FREM2: variants seen among roughly 807,000 people sequenced by gnomAD.
FREM2 encodes the protein FRAS1-related extracellular matrix protein 2.
FREM2 carries 119 observed loss-of-function variants against 219.9 expected under a neutral mutation model. The ratio of observed to expected loss-of-function variants is 0.54; its 90% CI spans 0.47 to 0.63. FREM2 has a LOEUF of 0.63. FREM2 is among the 30% of genes least tolerant of loss of function. The probability of loss-of-function intolerance (pLI) is 0.00; values close to 1 mark genes in which losing one functional copy is unlikely to be tolerated. For missense variants in FREM2, 4,030 were observed against 3,993.6 expected (o/e 1.01, Z -0.25); for synonymous variants, 1,562 against 1,522.8 (o/e 1.03, Z -0.60).
intron 12 of FREM2, 96 bp from the exon 13 acceptor site, chr13:38,857,779 A>G (rs1877615112): frequency 9.4e-7 from 1 of 1,061,728 alleles, no homozygotes; most frequent in East Asian, 2.4e-5. Context: ...TAACGAGGCC[A>G]TGGGGTTGCC....
intron 2 of FREM2, among the ~76,000 whole-genome samples, chr13:38,743,347 T>TA (rs1872326274): frequency 6.6e-6 from 1 of 151,652 alleles, no homozygotes; most frequent in Admixed American, 6.6e-5. Flanking sequence ...ATATGTATAG[T>TA]ATGTGGCAAG....
intron 2 of FREM2, among the ~76,000 whole-genome samples, chr13:38,762,052 G>A (rs1873246889): frequency 6.6e-6 from 1 of 152,170 alleles, no homozygotes; most frequent in Admixed American, 6.5e-5. Flanking sequence ...GTGGGCTTGG[G>A]CATGCGTGGC....
chr13:38,691,617 A>G lies in FREM2; in HGVS notation c.4273A>G (p.Ile1425Val). The G allele has an allele frequency of 1.9e-6, 3 of 1,614,034 alleles. No homozygotes were observed. The highest frequency in any genetic ancestry group is 2.5e-6 in the Non-Finnish European group (3 of 1,179,914). The change falls in exon 1 of 24, where the codon ATA (isoleucine) becomes GTA (valine). Residue 1425 changes from isoleucine (I) to valine (V), a missense_variant. Coordinates refer to ENST00000280481, the MANE Select transcript of FREM2 (RefSeq NM_207361.6). Reference protein sequence around the residue: ...GSIDIVFPDVISKGVSLKEGG... With the variant: ...GSIDIVFPDVVSKGVSLKEGG... ...CATTGACATTGTCTTCCCTGATGTG[A>G]TAAGTAAGGGAGTGTCCTTGAAAGA... is the stretch of plus-strand genomic sequence containing the variant.
Position 38,768,834 on chromosome 13 carries a change from T to C in FREM2, c.5411-744T>C, listed in dbSNP as rs368298322. Among the ~76,000 whole-genome samples, 62 of 152,302 alleles carry C rather than the reference T, an allele frequency of 4.1e-4. No individual in the cohort carries two copies. The South Asian group carries it at 0.011, about 27-fold the overall frequency. ...GGTAATAATGGAGATCATCTTGCGATGTAGTTAGAGACCCAGAGATCCTTC... is the reference window on the plus strand; with the variant it reads ...GGTAATAATGGAGATCATCTTGCGACGTAGTTAGAGACCCAGAGATCCTTC... On this transcript the variant is annotated intron_variant, in intron 3 of 23. Coordinates refer to ENST00000280481, the MANE Select transcript of FREM2 (RefSeq NM_207361.6).
intron 16 of FREM2, among the ~76,000 whole-genome samples, chr13:38,869,031 A>G (rs1008514041): frequency 6.6e-6 from 1 of 152,228 alleles, no homozygotes; most frequent in African/African-American, 2.4e-5. Flanking sequence ...CCTAGCAGAC[A>G]TTACTTGCCC....
At position 38,717,433 on chromosome 13, in the gene FREM2, T is replaced by TTTTTTTG; in HGVS notation, c.5263+19647_5263+19648insTTTTTGT. On this transcript the variant is annotated intron_variant, in intron 2 of 23. Coordinates refer to ENST00000280481, the MANE Select transcript of FREM2 (RefSeq NM_207361.6). Reference sequence around the variant, plus strand: ...AGTACTTTTTTTTTTTTTTTTTTTTTTGAGACTGTGTCTTGCTCTGTCGCC... The same window carrying TTTTTTTG: ...AGTACTTTTTTTTTTTTTTTTTTTTTTTTTTTGTGAGACTGTGTCTTGCTCTGTCGCC... 1.3e-5 allele frequency among the ~76,000 whole-genome samples: 2 copies of TTTTTTTG among 148,654 alleles called. 1 individual carries two copies. The highest frequency in any genetic ancestry group is 6.4e-3 in the Middle Eastern group (2 of 314).
chr13:38,690,406 G>T lies in FREM2; in HGVS notation c.3062G>T (p.Gly1021Val). Residue 1021 changes from glycine to valine, a missense_variant, in exon 1 of 24, where the codon GGT (glycine) becomes GTT (valine). Around this residue, in one of 2 missense-constraint regions of FREM2, gnomAD observed 3,102 missense variants for 2,950.7 expected, o/e 1.05. Transcript: ENST00000280481. ...EGSVVYTHTSGEIGLLPKADS... is the reference protein window; with the variant it reads ...EGSVVYTHTSVEIGLLPKADS... ...TCTGTTGTATATACCCACACCAGTG[G>T]TGAGATAGGCCTATTGCCTAAAGCG... 6.2e-7 allele frequency: 1 copy of T among 1,614,166 alleles called. No individual in the cohort carries two copies. The highest frequency in any genetic ancestry group is 1.1e-5 in the South Asian group (1 of 91,086).
chr13:38,748,118 C>A (rs1872561846), intron 2 of FREM2, among the ~76,000 whole-genome samples: 1 of 151,654 alleles, frequency 6.6e-6, no homozygotes, highest in African/African-American at 2.4e-5. Flanking sequence ...CCGCATTTGA[C>A]TAATTAAAAA....
rs1400601692 is a variant in FREM2, at chr13:38,769,794, T to C, written c.5627T>C (p.Val1876Ala). Reference protein sequence around the residue: ...EFPTVATVEIVDPGDEPTVFI... With the variant: ...EFPTVATVEIADPGDEPTVFI... ...CCCACAGTCGCCACTGTTGAGATCG[T>C]TGATCCAGGAGATGGTAAGAGCCAT... Residue 1876 changes from valine to alanine, a missense_variant, in exon 4 of 24, where the codon GTT (valine) becomes GCT (alanine). This residue lies in a region of FREM2 where 3,102 missense variants were observed against 2,950.7 expected (regional missense o/e 1.05). Transcript: ENST00000280481. 12 of 1,613,580 alleles carry C rather than the reference T, an allele frequency of 7.4e-6. No homozygotes were observed. Among genetic ancestry groups the C allele is most frequent in the Non-Finnish European group, 1.0e-5 (12 of 1,179,642 alleles).
chr13:38,714,781 T>TA (rs997725805), intron 2 of FREM2, among the ~76,000 whole-genome samples: 3 of 151,964 alleles, frequency 2.0e-5, no homozygotes, highest in Non-Finnish European at 4.4e-5. Flanking sequence ...AAACTTAATT[T>TA]AAAAAAAATT....
chr13:38,760,625 T>A (rs1226447613), intron 2 of FREM2, among the ~76,000 whole-genome samples: 2 of 133,884 alleles, frequency 1.5e-5, no homozygotes, highest in Non-Finnish European at 3.6e-5. Flanking sequence ...CCAATTACTG[T>A]TTTTTAATAA....
chr13:38,877,688 A>G (rs566533378), intron 21 of FREM2, among the ~76,000 whole-genome samples: 42 of 152,316 alleles, frequency 2.8e-4, no homozygotes, highest in African/African-American at 9.6e-4. Flanking sequence ...TAAAGAATTG[A>G]ACACCAGGGG....
chr13:38,851,979 A>G (rs1593445979), intron 11 of FREM2, 111 bp downstream of exon 11: 2 of 969,092 alleles, frequency 2.1e-6, no homozygotes, highest in Non-Finnish European at 3.3e-6. Flanking sequence ...AAAATAGGGC[A>G]CTCTTTTTTA....
At chr13:38,783,377 A>G (rs1874197571) in intron 5 of FREM2, among the ~76,000 whole-genome samples, 182 bp downstream of exon 5, 1 of 150,928 alleles carries the variant, frequency 6.6e-6, no homozygotes, top group Non-Finnish European at 1.5e-5. Context: ...CCTCTTTCTG[A>G]TTTCACTTGG....
Position 38,687,690 on chromosome 13 carries a change from G to T in FREM2, c.346G>T (p.Ala116Ser). 1 of 1,579,178 alleles carries T rather than the reference G, an allele frequency of 6.3e-7. No homozygotes were observed. The highest frequency in any genetic ancestry group is 8.6e-7 in the Non-Finnish European group (1 of 1,160,352). Reference protein sequence around the residue: ...AVSVLDNDALAQRPGRLSPKR... With the variant: ...AVSVLDNDALSQRPGRLSPKR... ...TTCGGTACTAGACAACGACGCACTG[G>T]CCCAGCGACCGGGCCGCCTGAGTCC... is the stretch of plus-strand genomic sequence containing the variant. Residue 116 changes from alanine (A) to serine (S), a missense_variant, in exon 1 of 24, where the codon GCC becomes TCC. Physicochemically the swap from Ala to Ser is moderately conservative, Grantham distance 99. Transcript: ENST00000280481.
chr13:38,797,144 G>C (rs1247293494), intron 6 of FREM2, among the ~76,000 whole-genome samples: 1 of 151,886 alleles, frequency 6.6e-6, no homozygotes, highest in East Asian at 1.9e-4. Context: ...TGAAAGCATG[G>C]TATTAAAGGT....
intron 5 of FREM2, 148 bp downstream of exon 5, chr13:38,783,343 T>C: frequency 1.1e-6 from 1 of 880,428 alleles, no homozygotes; most frequent in Non-Finnish European, 1.8e-6. Flanking sequence ...GAAGTCTTTC[T>C]TCAGGATTTC....
At chr13:38,875,149 TG>T (rs1173919437) in intron 18 of FREM2, among the ~76,000 whole-genome samples, 1 of 90,032 alleles carries the variant, frequency 1.1e-5, no homozygotes, top group Non-Finnish European at 2.2e-5. Flanking sequence ...TAACTTCATT[TG>T]TTTTTTGTTT....
At position 38,688,998 on chromosome 13, in the gene FREM2, A is replaced by G; in HGVS notation, c.1654A>G (p.Thr552Ala). Reference sequence around the variant, plus strand: ...CCAGGTACAGTTTCTGTTCCCCATCACCTTAGTGCCTGTGGATGACCAGCC... The same window carrying G: ...CCAGGTACAGTTTCTGTTCCCCATCGCCTTAGTGCCTGTGGATGACCAGCC... ...RHQVQFLFPITLVPVDDQPPV... is the reference protein window; with the variant it reads ...RHQVQFLFPIALVPVDDQPPV... Residue 552 changes from threonine (T) to alanine (A), a missense_variant, in exon 1 of 24, where the codon ACC becomes GCC. This residue lies in a region of FREM2 where 3,102 missense variants were observed against 2,950.7 expected (regional missense o/e 1.05). Coordinates refer to ENST00000280481, the MANE Select transcript of FREM2 (RefSeq NM_207361.6). The G allele has an allele frequency of 1.2e-6, 2 of 1,613,892 alleles. No homozygotes were observed. Among genetic ancestry groups the G allele is most frequent in the Non-Finnish European group, 1.7e-6 (2 of 1,179,928 alleles).
Sources: gnomAD v4.1 joint callset for allele counts (sites outside exome capture counted in the v4.1 genomes callset) on GRCh38, gnomAD v4.1.1 for gene constraint, gnomAD v4.1.1 regional missense constraint, MANE v1.5 for transcripts, NCBI Gene and HGNC (gene_info 2026-07-23, HGNC 2026-07-21) for gene names.